Variants in DLGAP2 observed in about 807,000 individuals in gnomAD.
DLGAP2 encodes the protein DLG associated protein 2.
Under a neutral mutation model 100.3 loss-of-function variants are expected in DLGAP2, and 26 were observed. The ratio of observed to expected loss-of-function variants is 0.26; its 90% CI spans 0.19 to 0.36. The LOEUF (loss-of-function observed/expected upper bound fraction) is 0.36, where lower values mean the gene tolerates loss of function less well. Among genes scored for constraint, DLGAP2 ranks in the 10% least tolerant of loss-of-function variants. The pLI is 1.00. For synonymous variants in DLGAP2, 886 were observed against 630.1 expected, an observed-to-expected ratio of 1.41 and a Z score of -6.08; for missense variants, 1,858 against 1,453.2, an observed-to-expected ratio of 1.28 and a Z score of -4.53.
intron 6 of DLGAP2, among the ~76,000 whole-genome samples, chr8:1,600,145 G>T (rs879605462): frequency 1.3e-5 from 2 of 152,142 alleles, no homozygotes; most frequent in Non-Finnish European, 2.9e-5. Flanking sequence ...TAGTTTGGCT[G>T]GATATGAAAA....
intron 2 of DLGAP2, among the ~76,000 whole-genome samples, chr8:1,125,988 A>G (rs1796154432): frequency 1.3e-5 from 2 of 152,234 alleles, no homozygotes; most frequent in Admixed American, 6.5e-5. Context: ...ATTCATCTCC[A>G]TGGACACTTC....
intron 2 of DLGAP2, among the ~76,000 whole-genome samples, chr8:1,179,662 T>G (rs1177221177): frequency 6.6e-6 from 1 of 152,256 alleles, no homozygotes; most frequent in East Asian, 1.9e-4. Flanking sequence ...GCAATCCTAA[T>G]TTGTGTTTTA....
chr8:851,255 C>T (rs745804878), intron 1 of DLGAP2, among the ~76,000 whole-genome samples: 5 of 152,172 alleles, frequency 3.3e-5, no homozygotes, highest in African/African-American at 4.8e-5. Flanking sequence ...TGGTAGAACG[C>T]ACCATCCAGG....
chr8:888,927 A>G (rs1030501603), intron 1 of DLGAP2, among the ~76,000 whole-genome samples: 5 of 152,126 alleles, frequency 3.3e-5, no homozygotes, highest in Non-Finnish European at 5.9e-5. Context: ...TGTGAGCAAT[A>G]AAGCTGTTTA....
chr8:1,422,191 G>A (rs961343363), intron 3 of DLGAP2, among the ~76,000 whole-genome samples: 1 of 152,138 alleles, frequency 6.6e-6, no homozygotes, highest in African/African-American at 2.4e-5. Flanking sequence ...TCTTATGGCC[G>A]CTAGGAGAGA....
At chr8:977,731 C>T (rs1336062526) in intron 2 of DLGAP2, among the ~76,000 whole-genome samples, 6 of 130,778 alleles carry the variant, frequency 4.6e-5, no homozygotes, top group East Asian at 2.1e-4. Flanking sequence ...GGGAGGGCGT[C>T]GGGGATGCAG....
chr8:1,253,629 T>C (rs1177806939), intron 2 of DLGAP2, among the ~76,000 whole-genome samples: 3 of 124,692 alleles, frequency 2.4e-5, no homozygotes, highest in Admixed American at 2.4e-4. Flanking sequence ...GCTCGGGGAA[T>C]GAGCCGGTTC....
intron 3 of DLGAP2, among the ~76,000 whole-genome samples, chr8:1,428,694 G>T (rs541179686): frequency 6.6e-6 from 1 of 152,332 alleles, no homozygotes; most frequent in East Asian, 1.9e-4. Context: ...ATCATGTAAG[G>T]TTTATCTCAG....
intron 2 of DLGAP2, among the ~76,000 whole-genome samples, chr8:1,062,924 T>TC (rs1426875153): frequency 1.3e-5 from 2 of 152,192 alleles, no homozygotes; most frequent in African/African-American, 4.8e-5. Context: ...CAGGAGCTGT[T>TC]CCAGCTTATT....
intron 3 of DLGAP2, among the ~76,000 whole-genome samples, chr8:1,343,623 A>G (rs1801469567): frequency 6.6e-6 from 1 of 152,234 alleles, no homozygotes; most frequent in South Asian, 2.1e-4. Context: ...CTGCATGCCA[A>G]GTAAATGCAC....
intron 3 of DLGAP2, among the ~76,000 whole-genome samples, chr8:1,350,161 A>G: frequency 6.6e-6 from 1 of 151,652 alleles, no homozygotes; most frequent in Non-Finnish European, 1.5e-5. Flanking sequence ...CGACTACTTC[A>G]TGCTCTTGTG....
At chr8:795,063 A>C (rs1406279392) in intron 1 of DLGAP2, among the ~76,000 whole-genome samples, 2 of 152,192 alleles carry the variant, frequency 1.3e-5, no homozygotes, top group African/African-American at 4.8e-5. Context: ...CATACGGACC[A>C]CAGAACACTG....
At chr8:1,334,530 C>G (rs1018621290) in intron 3 of DLGAP2, among the ~76,000 whole-genome samples, 3 of 152,212 alleles carry the variant, frequency 2.0e-5, no homozygotes, top group African/African-American at 7.2e-5. Flanking sequence ...CCTAAAGCTG[C>G]TTCCAGTGAG....
intron 3 of DLGAP2, among the ~76,000 whole-genome samples, chr8:1,356,585 A>G (rs575556440): frequency 2.0e-5 from 3 of 152,178 alleles, no homozygotes; most frequent in African/African-American, 7.2e-5. Context: ...CCCCCCAGGC[A>G]GAACATGACG....
intron 1 of DLGAP2, among the ~76,000 whole-genome samples, chr8:751,860 ACAC>A (rs1820799164): frequency 2.0e-5 from 3 of 152,012 alleles, no homozygotes; most frequent in South Asian, 2.1e-4. Context: ...AGTTCATCTG[ACAC>A]TTCATAGTAA....
At chr8:1,220,018 A>G (rs2116809195) in intron 2 of DLGAP2, among the ~76,000 whole-genome samples, 1 of 152,116 alleles carries the variant, frequency 6.6e-6, no homozygotes, top group East Asian at 1.9e-4. Flanking sequence ...AACTTAATCT[A>G]GCTAGTGGTC....
intron 2 of DLGAP2, among the ~76,000 whole-genome samples, chr8:1,217,998 C>G (rs1333692492): frequency 6.6e-6 from 1 of 151,994 alleles, no homozygotes; most frequent in African/African-American, 2.4e-5. Context: ...GGTATTAGAC[C>G]TTTGTCAGAA....
At chr8:1,501,882 C>A (rs1011105188) in intron 4 of DLGAP2, among the ~76,000 whole-genome samples, 2 of 152,190 alleles carry the variant, frequency 1.3e-5, no homozygotes, top group African/African-American at 2.4e-5. Flanking sequence ...TTCCAAGGGC[C>A]CTGCGAGAGG....
chr8:1,241,275 C>A (rs1409481456), intron 2 of DLGAP2, among the ~76,000 whole-genome samples: 2 of 150,960 alleles, frequency 1.3e-5, no homozygotes, highest in Admixed American at 6.6e-5. Flanking sequence ...TCTCACATGG[C>A]TCCGTGTCTC....
Sources: allele counts gnomAD v4.1 joint callset (sites outside exome capture counted in the v4.1 genomes callset), GRCh38; gene constraint gnomAD v4.1.1; transcripts MANE v1.5; gene names NCBI Gene and HGNC (gene_info 2026-07-23, HGNC 2026-07-21).